The following ITGAM variants were observed in gnomAD, a reference collection of about 807,000 sequenced individuals.
ITGAM encodes integrin subunit alpha M, also known as integrin alpha-M.
A neutral mutation model predicts 137.5 loss-of-function variants in ITGAM; 79 were observed. The observed-to-expected ratio is 0.57, with a 90% CI of 0.48 to 0.69. The LOEUF (loss-of-function observed/expected upper bound fraction) is 0.69. Among genes scored for constraint, ITGAM ranks in the 30% least tolerant of loss-of-function variants. The pLI is 0.00. For synonymous variants in ITGAM, 583 were observed against 592.3 expected (o/e 0.98, Z 0.23); for missense variants, 1,343 against 1,483.5 (o/e 0.91, Z 1.56).
intron 14 of ITGAM, among the ~76,000 whole-genome samples, chr16:31,306,223 C>T (rs922908610): frequency 1.3e-5 from 2 of 152,092 alleles, no homozygotes; most frequent in East Asian, 3.9e-4. Context: ...ATCCTTTTTC[C>T]TTGTGTCCTA....
chr16:31,326,852 C>A lies in ITGAM; in HGVS notation c.2629-4C>A. The A allele has an allele frequency of 6.2e-7, 1 of 1,603,860 alleles. No individual in the cohort carries two copies. ...GTCATTGTCTCTCCTTTCTCTCACT[C>A]CAGGTCACCTTTAATATCACGTTTG... is the stretch of plus-strand genomic sequence containing the variant. On this transcript the variant is annotated splice_polypyrimidine_tract_variant and splice_region_variant and intron_variant, in intron 21 of 29. Coordinates refer to ENST00000544665, the MANE Select transcript of ITGAM (RefSeq NM_000632.4).
chr16:31,297,169 A>T (rs183471199), intron 12 of ITGAM, among the ~76,000 whole-genome samples: 404 of 152,064 alleles, frequency 2.7e-3, no homozygotes, highest in Middle Eastern at 6.8e-3. Flanking sequence ...ATTATTAAAA[A>T]ATATATATAT....
intron 22 of ITGAM, among the ~76,000 whole-genome samples, chr16:31,327,412 C>A (rs1423745710): frequency 2.1e-5 from 3 of 141,608 alleles, no homozygotes; most frequent in Admixed American, 7.5e-5. Context: ...CATATCAATA[C>A]CCTGTTTCTA....
At chr16:31,275,855 C>G (rs1271266504) in intron 9 of ITGAM, among the ~76,000 whole-genome samples, 156 bp downstream of exon 9, 1 of 152,204 alleles carries the variant, frequency 6.6e-6, no homozygotes, top group Non-Finnish European at 1.5e-5. Context: ...CTCACTTGGT[C>G]AATTCCTTTG....
Position 31,302,410 on chromosome 16 carries a change from TTC to T in ITGAM, c.1707+4458_1707+4459del, listed in dbSNP as rs1339683099. On this transcript the variant is annotated intron_variant, in intron 14 of 29. Coordinates refer to ENST00000544665, the MANE Select transcript of ITGAM (RefSeq NM_000632.4). ...TTTCTTTTTTCTTTTCTTTTCTTTT[TTC>T]TTTCTTTCTTTCTTTCTTCTTTCTT... 2.6e-3 allele frequency among the ~76,000 whole-genome samples: 282 copies of T among 108,682 alleles called. 6 individuals are homozygous for T. The highest frequency in any genetic ancestry group is 0.014 in the African/African-American group (272 of 19,378). 71.3% of individuals were successfully genotyped at this position (108,682 alleles called of 152,430 possible).
intron 2 of ITGAM, among the ~76,000 whole-genome samples, chr16:31,264,952 C>G (rs1388662985): frequency 2.0e-5 from 3 of 152,194 alleles, no homozygotes; most frequent in Non-Finnish European, 4.4e-5. Context: ...ACTGCAACCT[C>G]TGCCTCCTGG....
rs753138032 is a variant in ITGAM, at chr16:31,271,048, A to C, written c.522A>C (p.Ser174=). The change falls in exon 6 of 30, where the codon TCA becomes TCC. Residue 174 remains serine (S), a synonymous_variant. Coordinates refer to ENST00000544665, the MANE Select transcript of ITGAM (RefSeq NM_000632.4). ...HDFRRMKEFV[S]TVMEQLKKSK... is the part of the protein sequence containing the mutation. ...TTCGGCGGATGAAGGAGTTTGTCTC[A>C]ACTGTGATGGAGCAATTAAAAAAGT... 6.3e-7 allele frequency: 1 copy of C among 1,580,888 alleles called. No individual in the cohort carries two copies. Among genetic ancestry groups the C allele is most frequent in the Non-Finnish European group, 8.6e-7 (1 of 1,160,064 alleles).
At chr16:31,296,709 CA>C (rs1374914103) in intron 12 of ITGAM, among the ~76,000 whole-genome samples, 1 of 152,138 alleles carries the variant, frequency 6.6e-6, no homozygotes, top group Non-Finnish European at 1.5e-5. Flanking sequence ...TCCTCTCCTC[CA>C]CCTGGCTGCA....
At chr16:31,330,821 A>G (rs1347726325) in intron 28 of ITGAM, among the ~76,000 whole-genome samples, 1 of 151,612 alleles carries the variant, frequency 6.6e-6, no homozygotes, top group East Asian at 1.9e-4. Context: ...AAGGAGAGAG[A>G]GATAGAGAGT....
At chr16:31,261,664 C>T in intron 1 of ITGAM, 28 bp from the exon 2 acceptor site, 1 of 1,489,612 alleles carries the variant, frequency 6.7e-7, no homozygotes, top group Non-Finnish European at 9.3e-7. Flanking sequence ...CTTTCCTCTG[C>T]TTGATCCTTC....
At chr16:31,260,736 C>A (rs2079689497) in intron 1 of ITGAM, among the ~76,000 whole-genome samples, 1 of 152,172 alleles carries the variant, frequency 6.6e-6, no homozygotes, top group South Asian at 2.1e-4. Flanking sequence ...GGACGTGCCC[C>A]ACGACGGTGG....
chr16:31,324,860 T>G lies in ITGAM; in HGVS notation c.2289+78T>G. The G allele has an allele frequency of 6.5e-7, 1 of 1,547,752 alleles. No homozygotes were observed. The highest frequency in any genetic ancestry group is 8.8e-7 in the Non-Finnish European group (1 of 1,142,328). ...GTGGTTGAAACTCATTTTATTTGAT[T>G]GCATCTAATTTTACTTCAACATTTG... On this transcript the variant is annotated intron_variant, in intron 18 of 29. Transcript: ENST00000544665. This position sits in a 1 kb window ranked among gnomAD's most constrained non-coding sequence, Gnocchi z 4.5.
At chr16:31,291,882 G>A (rs182595971) in intron 12 of ITGAM, among the ~76,000 whole-genome samples, 2 of 152,128 alleles carry the variant, frequency 1.3e-5, no homozygotes, top group East Asian at 3.9e-4. Flanking sequence ...TAGCACAGTA[G>A]GGTGACTATA....
intron 14 of ITGAM, among the ~76,000 whole-genome samples, chr16:31,299,928 G>A (rs752191918): frequency 1.5e-4 from 23 of 151,122 alleles, no homozygotes; most frequent in Non-Finnish European, 2.9e-4. Flanking sequence ...GTGCAAACAC[G>A]GCTCCTGGAA....
chr16:31,331,922 T>A lies in ITGAM; in HGVS notation c.*215T>A, dbSNP rs4594268. ...GTGTGCGTGTGCGTGCATGTGCACTTGCACGCCCATGTGTGAGTGTGTGCA... is the reference window on the plus strand; with the variant it reads ...GTGTGCGTGTGCGTGCATGTGCACTAGCACGCCCATGTGTGAGTGTGTGCA... On this transcript the variant is annotated 3_prime_UTR_variant, in exon 30 of 30. Coordinates refer to ENST00000544665, the MANE Select transcript of ITGAM (RefSeq NM_000632.4). 1 of 558,554 alleles carries A rather than the reference T, an allele frequency of 1.8e-6. No homozygotes were observed. Among genetic ancestry groups the A allele is most frequent in the Non-Finnish European group, 3.2e-6 (1 of 316,848 alleles). 34.6% of individuals were successfully genotyped at this position (558,554 alleles called of 1,614,324 possible). A position where few individuals can be genotyped will look rare whatever the true frequency, so the allele number is the denominator to read the frequency against.
intron 12 of ITGAM, among the ~76,000 whole-genome samples, chr16:31,296,692 A>G (rs773074864): frequency 1.3e-5 from 2 of 152,064 alleles, no homozygotes; most frequent in African/African-American, 2.4e-5. Context: ...TAATCCATTG[A>G]TTACTCTCCT....
intron 14 of ITGAM, among the ~76,000 whole-genome samples, chr16:31,306,241 A>T (rs1408082447): frequency 6.6e-6 from 1 of 152,100 alleles, no homozygotes; most frequent in African/African-American, 2.4e-5. Context: ...CTAATGAGGA[A>T]TTTTTTTGAC....
chr16:31,282,446 T>C (rs569590603), intron 12 of ITGAM, among the ~76,000 whole-genome samples: 1 of 152,332 alleles, frequency 6.6e-6, no homozygotes, highest in South Asian at 2.1e-4. Flanking sequence ...GCTCTTCTTG[T>C]TGAATTTATC....
intron 14 of ITGAM, among the ~76,000 whole-genome samples, chr16:31,314,444 A>G (rs1026005150): frequency 9.9e-5 from 15 of 152,182 alleles, no homozygotes; most frequent in Non-Finnish European, 2.2e-4. Context: ...AGTTTTTTGC[A>G]TATGGCTAGC....
Sources: gnomAD v4.1 joint callset for allele counts (sites outside exome capture counted in the v4.1 genomes callset) on GRCh38, gnomAD v4.1.1 for gene constraint, Gnocchi (gnomAD v3.1) non-coding constraint, MANE v1.5 for transcripts, NCBI Gene and HGNC (gene_info 2026-07-23, HGNC 2026-07-21) for gene names.